The following COL25A1 variants were observed in gnomAD, a reference collection of about 807,000 sequenced individuals.
COL25A1 encodes the protein collagen alpha-1(XXV) chain.
In COL25A1, 103 loss-of-function variants were observed where a neutral mutation model predicts 128.4. That is an observed-to-expected ratio of 0.80 (90% CI 0.68 to 0.94). The LOEUF is 0.94. Among genes scored for constraint, COL25A1 ranks in the 40% least tolerant of loss-of-function variants. The pLI, the probability that COL25A1 is intolerant of heterozygous loss-of-function variation, is 0.00. For missense variants in COL25A1, 745 were observed against 840.0 expected (o/e 0.89, Z 1.40); for synonymous variants, 279 against 277.2 (o/e 1.01, Z -0.06).
At chr4:109,011,271 C>A (rs1756551762) in intron 5 of COL25A1, among the ~76,000 whole-genome samples, 1 of 152,206 alleles carries the variant, frequency 6.6e-6, no homozygotes. Context: ...AAGTATCACA[C>A]AGGAAAGTGT....
chr4:109,178,835 CAAAAA>C (rs34132262), intron 3 of COL25A1, among the ~76,000 whole-genome samples: 2 of 47,538 alleles, frequency 4.2e-5, no homozygotes, highest in African/African-American at 9.3e-5. Flanking sequence ...ACTCCATCTC[CAAAAA>C]AAAAAAAAAA....
At chr4:109,020,266 A>G (rs1276544501) in intron 5 of COL25A1, among the ~76,000 whole-genome samples, 1 of 152,204 alleles carries the variant, frequency 6.6e-6, no homozygotes, top group East Asian at 1.9e-4. Flanking sequence ...GCTATCCTAC[A>G]GGATAGATAT....
intron 3 of COL25A1, among the ~76,000 whole-genome samples, chr4:109,163,746 T>C (rs751676956): frequency 4.3e-4 from 66 of 152,228 alleles, no homozygotes; most frequent in Non-Finnish European, 9.4e-4. Flanking sequence ...ATCAGGTTCA[T>C]TATGAGAAGC....
At chr4:109,287,430 C>A (rs1723997390) in intron 3 of COL25A1, among the ~76,000 whole-genome samples, 1 of 152,148 alleles carries the variant, frequency 6.6e-6, no homozygotes, top group Non-Finnish European at 1.5e-5. Flanking sequence ...TGACCTTTCA[C>A]CTTTGCCAGA....
intron 15 of COL25A1, among the ~76,000 whole-genome samples, chr4:108,897,290 A>T (rs1016817273): frequency 3.9e-5 from 6 of 152,266 alleles, no homozygotes; most frequent in South Asian, 2.1e-4. Context: ...TACTAGAAAA[A>T]TTTTTTAAAT....
At chr4:109,246,209 T>C (rs1435406332) in intron 3 of COL25A1, among the ~76,000 whole-genome samples, 1 of 152,098 alleles carries the variant, frequency 6.6e-6, no homozygotes, top group Non-Finnish European at 1.5e-5. Context: ...TGATTAATAT[T>C]CAAATTGTCC....
chr4:109,015,186 CA>C (rs1757106155), intron 5 of COL25A1, among the ~76,000 whole-genome samples: 2 of 152,286 alleles, frequency 1.3e-5, no homozygotes, highest in East Asian at 3.9e-4. Context: ...CCAGACTAAT[CA>C]AAAAGAAACA....
rs533645520 is a variant in COL25A1, at chr4:108,902,916, T to C, written c.781-1744A>G. On this transcript the variant is annotated intron_variant, in intron 13 of 37. Transcript: ENST00000399132. ...TTTACTGTGCAACGAGAAAAAGACCTATGGAGTCTGCTTGCTTCAAAGAAT... is the reference window on the plus strand; with the variant it reads ...TTTACTGTGCAACGAGAAAAAGACCCATGGAGTCTGCTTGCTTCAAAGAAT... 5.9e-5 allele frequency among the ~76,000 whole-genome samples: 9 copies of C among 152,094 alleles called. No homozygotes were observed. In the East Asian group the frequency reaches 1.5e-3, roughly 26 times the overall value.
intron 5 of COL25A1, among the ~76,000 whole-genome samples, chr4:109,044,097 G>A (rs1032656661): frequency 6.8e-6 from 1 of 148,120 alleles, no homozygotes; most frequent in Non-Finnish European, 1.5e-5. Flanking sequence ...TAGTGTGTGT[G>A]TGTGTGTGTG....
chr4:109,157,078 C>T (rs1473355963), intron 3 of COL25A1, among the ~76,000 whole-genome samples: 18 of 152,192 alleles, frequency 1.2e-4, no homozygotes. Flanking sequence ...AAATTTTTAA[C>T]TGACAGTCAG....
At position 109,188,422 on chromosome 4, in the gene COL25A1, T is replaced by G. The variant is rs534226194; in HGVS notation, c.367+112161A>C. Among the ~76,000 whole-genome samples the G allele has an allele frequency of 1.2e-4, 19 of 152,296 alleles. No homozygotes were observed. The East Asian group carries it at 3.5e-3, about 28-fold the overall frequency. On this transcript the variant is annotated intron_variant, in intron 3 of 37. Transcript: ENST00000399132. ...AGCAACGCACTCCACCTTGCATTTT[T>G]TCATGATTTCATATTCAGAGTATCA...
intron 3 of COL25A1, among the ~76,000 whole-genome samples, chr4:109,106,084 G>T (rs925699937): frequency 1.3e-5 from 2 of 152,116 alleles, no homozygotes; most frequent in Non-Finnish European, 2.9e-5. Flanking sequence ...ACATAATCAG[G>T]ATGATAACAT....
chr4:109,225,168 T>C (rs543332333), intron 3 of COL25A1, among the ~76,000 whole-genome samples: 1 of 152,318 alleles, frequency 6.6e-6, no homozygotes, highest in African/African-American at 2.4e-5. Context: ...AGTAGGTATA[T>C]CTGACAACTT....
chr4:109,125,747 C>T (rs1768535517), intron 3 of COL25A1, among the ~76,000 whole-genome samples: 1 of 152,142 alleles, frequency 6.6e-6, no homozygotes, highest in Non-Finnish European at 1.5e-5. Flanking sequence ...GGCACAACTC[C>T]TGTAGGAAAG....
rs1215206312 is a variant in COL25A1 at position 109,210,951 on chromosome 4, A to G, written c.367+89632T>C. The stretch of plus-strand genomic sequence containing the variant: ...AACCAAATACCGCATGTTCTCAATT[A>G]TAAGTGGGAGCTAAACACTGAGCAC... On this transcript the variant is annotated intron_variant, in intron 3 of 37. Coordinates refer to ENST00000399132, the MANE Select transcript of COL25A1 (RefSeq NM_198721.4). 3.9e-5 allele frequency among the ~76,000 whole-genome samples: 6 copies of G among 152,050 alleles called. No homozygotes were observed. The East Asian group carries it at 9.7e-4, about 25-fold the overall frequency.
chr4:109,011,761 TTACA>T (rs1223160218), intron 5 of COL25A1, among the ~76,000 whole-genome samples: 1 of 152,208 alleles, frequency 6.6e-6, no homozygotes, highest in Non-Finnish European at 1.5e-5. Context: ...AAGCTGACAT[TTACA>T]TACAGACTTG....
intron 13 of COL25A1, among the ~76,000 whole-genome samples, chr4:108,905,524 AAT>A (rs1272593592): frequency 1.0e-4 from 15 of 150,014 alleles, no homozygotes; most frequent in African/African-American, 3.4e-4. Context: ...ATAATAAAAA[AAT>A]AAAAATAAAA....
At chr4:109,081,709 T>C (rs980360104) in intron 3 of COL25A1, among the ~76,000 whole-genome samples, 4 of 151,632 alleles carry the variant, frequency 2.6e-5, no homozygotes, top group Non-Finnish European at 5.9e-5. Flanking sequence ...TTTTTTCTTT[T>C]ATTTTTTTTT....
intron 19 of COL25A1, among the ~76,000 whole-genome samples, chr4:108,882,189 T>C (rs1290096522): frequency 6.6e-6 from 1 of 151,524 alleles, no homozygotes; most frequent in Non-Finnish European, 1.5e-5. Context: ...ATTCCGAGGG[T>C]CCAGTGGGAT....
Sources: gnomAD v4.1 joint callset for allele counts (sites outside exome capture counted in the v4.1 genomes callset) on GRCh38, gnomAD v4.1.1 for gene constraint, MANE v1.5 for transcripts, NCBI Gene and HGNC (gene_info 2026-07-23, HGNC 2026-07-21) for gene names.